Variants in DEPDC5 observed in about 807,000 individuals in gnomAD.
DEPDC5 encodes the protein DEP domain containing 5, GATOR1 subcomplex subunit, also known as GATOR1 complex protein DEPDC5.
Under a neutral mutation model 217.3 loss-of-function variants are expected in DEPDC5, and 73 were observed. The observed-to-expected ratio is 0.34, with a 90% CI of 0.28 to 0.41. DEPDC5 has a LOEUF of 0.41. Ranked by LOEUF, DEPDC5 falls within the 10% of genes least tolerant of loss-of-function variation. The probability of loss-of-function intolerance (pLI) is 1.00; values close to 1 mark genes in which losing one functional copy is unlikely to be tolerated. For missense variants in DEPDC5, 1,675 were observed against 2,070.1 expected, an observed-to-expected ratio of 0.81 and a Z score of 3.70; for synonymous variants, 733 against 756.7, an observed-to-expected ratio of 0.97 and a Z score of 0.51.
chr22:31,891,333 T>G (rs1254043170), intron 38 of DEPDC5: 1 of 369,752 alleles, frequency 2.7e-6, no homozygotes, highest in Non-Finnish European at 5.2e-6. Context: ...CAACTCATCC[T>G]TTCAGCCACA....
intron 4 of DEPDC5, among the ~76,000 whole-genome samples, chr22:31,762,196 G>A (rs2082449636): frequency 6.6e-6 from 1 of 152,086 alleles, no homozygotes; most frequent in Non-Finnish European, 1.5e-5. Context: ...CCACCACATT[G>A]TGCAAGGTAC....
At chr22:31,880,852 A>G (rs947996363) in intron 38 of DEPDC5, among the ~76,000 whole-genome samples, 1 of 151,662 alleles carries the variant, frequency 6.6e-6, no homozygotes, top group Non-Finnish European at 1.5e-5. Context: ...GTGAAACCCC[A>G]TCTCTACTAA....
chr22:31,784,981 T>A, intron 10 of DEPDC5, 106 bp downstream of exon 10: 1 of 959,928 alleles, frequency 1.0e-6, no homozygotes, highest in Non-Finnish European at 1.5e-6. Context: ...CTATTTTAGG[T>A]AAAACCCGGA....
intron 10 of DEPDC5, among the ~76,000 whole-genome samples, chr22:31,791,473 C>A (rs2085623131): frequency 6.6e-6 from 1 of 151,276 alleles, no homozygotes; most frequent in South Asian, 2.1e-4. Flanking sequence ...CCTGTCTCTA[C>A]TAAAAATACA....
Position 31,843,630 on chromosome 22 carries a change from C to T in DEPDC5, c.2634-15C>T. The T allele has an allele frequency of 1.9e-6, 3 of 1,586,936 alleles. No homozygotes were observed. Among genetic ancestry groups the T allele is most frequent in the Non-Finnish European group, 2.6e-6 (3 of 1,160,084 alleles). On this transcript the variant is annotated splice_polypyrimidine_tract_variant and intron_variant, in intron 28 of 42. Coordinates refer to ENST00000651528, the MANE Select transcript of DEPDC5 (RefSeq NM_001242896.3). ...TAACTCTTTTGAATTTGGGGACCTG[C>T]CCTTTATTTTGCAGGTATCCTTATG...
chr22:31,788,204 T>C (rs1190755941), intron 10 of DEPDC5, among the ~76,000 whole-genome samples: 3 of 151,212 alleles, frequency 2.0e-5, no homozygotes, highest in African/African-American at 7.3e-5. Context: ...CATTAGTCAT[T>C]AGGAAAATGC....
chr22:31,874,649 G>T (rs1404700771), intron 36 of DEPDC5, among the ~76,000 whole-genome samples: 1 of 152,188 alleles, frequency 6.6e-6, no homozygotes, highest in Non-Finnish European at 1.5e-5. Context: ...GACAGAATCT[G>T]TGCATTTATA....
chr22:31,882,957 G>A (rs150694013), intron 38 of DEPDC5, among the ~76,000 whole-genome samples: 1 of 152,138 alleles, frequency 6.6e-6, no homozygotes, highest in Non-Finnish European at 1.5e-5. Flanking sequence ...TTCAACGAAA[G>A]GAATTATTCT....
At chr22:31,834,312 T>C (rs1010717573) in intron 25 of DEPDC5, 1 of 279,208 alleles carries the variant, frequency 3.6e-6, no homozygotes, top group Non-Finnish European at 6.9e-6. Context: ...AAAGACATAA[T>C]AGGCTGTTAA....
intron 38 of DEPDC5, among the ~76,000 whole-genome samples, chr22:31,881,520 G>A (rs78482888): frequency 0.014 from 2,193 of 152,034 alleles, 20 homozygotes; most frequent in Middle Eastern, 0.031. Context: ...TAAAGAAGCC[G>A]TATACCCGTT....
chr22:31,826,874 A>G (rs1374292621), intron 24 of DEPDC5, among the ~76,000 whole-genome samples: 1 of 151,848 alleles, frequency 6.6e-6, no homozygotes, highest in Non-Finnish European at 1.5e-5. Context: ...TTTAATTGGT[A>G]TGCAAGTATT....
intron 13 of DEPDC5, among the ~76,000 whole-genome samples, 191 bp from the exon 14 acceptor site, chr22:31,798,391 G>A (rs1016275222): frequency 2.0e-5 from 3 of 152,026 alleles, no homozygotes; most frequent in Non-Finnish European, 4.4e-5. Context: ...GGTGGCGTGC[G>A]CCTGTAGTCC....
In DEPDC5 at chr22:31,843,812, G is replaced by C; in HGVS notation, c.2801G>C (p.Ser934Thr). 1 of 1,590,340 alleles carries C rather than the reference G, an allele frequency of 6.3e-7. No homozygotes were observed. ...TGTTCTGCCGGCTCTGAAGACTTCA[G>C]GTCAGAGAGTGGGCTTTGGATTTCC... The part of the protein sequence containing the change: ...YICSAGSEDF[S>T]LIESLKFWRT... Residue 934 changes from serine to threonine, a missense_variant and splice_region_variant, in exon 29 of 43, where the codon AGC (serine) becomes ACC (threonine). By Grantham distance (58) the Ser-to-Thr change is moderately conservative. Transcript: ENST00000651528.
chr22:31,812,970 C>T (rs1164490750), intron 20 of DEPDC5, among the ~76,000 whole-genome samples: 2 of 152,062 alleles, frequency 1.3e-5, no homozygotes, highest in Non-Finnish European at 2.9e-5. Context: ...GAACTCCCGA[C>T]CCCAGGTGAT....
intron 41 of DEPDC5, among the ~76,000 whole-genome samples, chr22:31,902,234 T>C (rs1215571195): frequency 6.6e-6 from 1 of 151,922 alleles, no homozygotes; most frequent in Non-Finnish European, 1.5e-5. Context: ...GGAAAGCCTG[T>C]CCTAGACTTC....
chr22:31,865,745 C>A (rs1212940815), intron 33 of DEPDC5, among the ~76,000 whole-genome samples: 1 of 152,170 alleles, frequency 6.6e-6, no homozygotes, highest in East Asian at 1.9e-4. Context: ...TTCATGAGGG[C>A]AGAGAGAAGG....
At chr22:31,873,618 A>G (rs1044157945) in intron 35 of DEPDC5, among the ~76,000 whole-genome samples, 4 of 149,742 alleles carry the variant, frequency 2.7e-5, no homozygotes, top group African/African-American at 7.4e-5. Context: ...GGATTTTTTT[A>G]AAAGGGATTT....
chr22:31,833,471 C>G (rs933196019), intron 24 of DEPDC5, among the ~76,000 whole-genome samples: 9 of 152,144 alleles, frequency 5.9e-5, no homozygotes, highest in African/African-American at 2.2e-4. Context: ...TTAAATAGGT[C>G]ATTTTGTTTT....
At chr22:31,837,296 G>T (rs527622520) in intron 26 of DEPDC5, 141 bp downstream of exon 26, 2 of 768,546 alleles carry the variant, frequency 2.6e-6, no homozygotes, top group South Asian at 5.2e-5. Context: ...GATTAGCATG[G>T]CCGTTAAATA....
Sources: allele counts gnomAD v4.1 joint callset (sites outside exome capture counted in the v4.1 genomes callset), GRCh38; gene constraint gnomAD v4.1.1; transcripts MANE v1.5; gene names NCBI Gene and HGNC (gene_info 2026-07-23, HGNC 2026-07-21).